The following ZNF765 variants were observed in gnomAD, a reference collection of about 807,000 sequenced individuals.
ZNF765 encodes zinc finger protein 765.
Under a neutral mutation model 44.7 loss-of-function variants are expected in ZNF765, and 37 were observed. The ratio of observed to expected loss-of-function variants is 0.83; its 90% CI spans 0.64 to 1.09. The LOEUF (loss-of-function observed/expected upper bound fraction) is 1.09, where lower values mean the gene tolerates loss of function less well. Among genes scored for constraint, ZNF765 ranks in the 50% least tolerant of loss-of-function variants. The pLI is 0.00. For missense variants in ZNF765, 594 were observed against 626.1 expected, an observed-to-expected ratio of 0.95 and a Z score of 0.55; for synonymous variants, 201 against 213.7, an observed-to-expected ratio of 0.94 and a Z score of 0.52.
At chr19:53,398,858 T>C (rs1178336034) in intron 2 of ZNF765, among the ~76,000 whole-genome samples, 1 of 152,138 alleles carries the variant, frequency 6.6e-6, no homozygotes, top group Admixed American at 6.5e-5. Context: ...CAAGTGATTC[T>C]CCTGCCTCAG....
At chr19:53,416,286 G>A (rs10426463), downstream of ZNF765, among the ~76,000 whole-genome samples, 123,065 of 151,774 alleles carry the variant, frequency 0.81, 50,372 homozygotes, top group Non-Finnish European at 0.87. Context: ...GGTGCCTTTA[G>A]TCCCACCTAC....
Position 53,410,627 on chromosome 19 carries a change from C to A in ZNF765, c.*1500C>A. The A allele has an allele frequency of 2.1e-6, 1 of 481,462 alleles. No individual in the cohort carries two copies. The highest frequency in any genetic ancestry group is 2.3e-5 in the Admixed American group (1 of 43,286). 29.8% of individuals were successfully genotyped at this position (481,462 alleles called of 1,614,324 possible). A position where few individuals can be genotyped will look rare whatever the true frequency, so the allele number is the denominator to read the frequency against. ...TGTCACAAAGTCTTCAGTTACACTA[C>A]AACCATTGCGAATCATTGGAGAATC... On this transcript the variant is annotated 3_prime_UTR_variant, in exon 4 of 4. Transcript: ENST00000396408.
exon 4 of ZNF765, chr19:53,424,303 A>G (rs1195151606): frequency 6.9e-6 from 1 of 144,774 alleles, no homozygotes. Flanking sequence ...AAAAAAAAAA[A>G]GAAAAGAAAA....
At position 53,400,763 on chromosome 19, in the gene ZNF765, C is replaced by CATATAT. The variant is rs35520888; in HGVS notation, c.16-1286_16-1281dup. On this transcript the variant is annotated intron_variant, in intron 2 of 3. Transcript: ENST00000396408. The stretch of plus-strand genomic sequence containing the variant: ...CTGTGTAGGTTTCATTATTTGTTGA[C>CATATAT]ATATATATATATATATATATACACA... 2.6e-3 allele frequency among the ~76,000 whole-genome samples: 298 copies of CATATAT among 116,822 alleles called. 5 individuals carry two copies. The highest frequency in any genetic ancestry group is 8.3e-3 in the African/African-American group (252 of 30,312). The allele number at this position is 116,822 out of a possible 152,430, so 76.6% of individuals were successfully genotyped here.
At chr19:53,414,489 AC>A (rs1160212994), downstream of ZNF765, among the ~76,000 whole-genome samples, 66 of 5,098 alleles carry the variant, frequency 0.013, 2 homozygotes, top group South Asian at 0.045. Context: ...ACACACACAC[AC>A]CCCCCCCCCC....
At chr19:53,398,759 T>C in intron 2 of ZNF765, among the ~76,000 whole-genome samples, 1 of 152,156 alleles carries the variant, frequency 6.6e-6, no homozygotes, top group Middle Eastern at 3.2e-3. Flanking sequence ...AATATTATTA[T>C]ATTTCACATA....
rs778407211 is a variant in ZNF765 at position 53,408,279 on chromosome 19, CAA to C, written c.725_726del (p.Gln242LeufsTer2). 3 of 1,614,138 alleles carry C rather than the reference CAA, an allele frequency of 1.9e-6. No individual in the cohort carries two copies. Among genetic ancestry groups the C allele is most frequent in the East Asian group, 2.2e-5 (1 of 44,882 alleles). On this transcript the variant is annotated frameshift_variant, in exon 4 of 4. Coordinates refer to ENST00000396408, the MANE Select transcript of ZNF765 (RefSeq NM_001040185.3). LOFTEE classifies it high-confidence loss of function. ...TCAGTTAATCCATTTAGGAGAGAAA[CAA>C]TATAAATGCGATATATGTGGCAAGG... ...KHQLIHLGEK[Q>X]YKCDICGKVF...
chr19:53,404,668 G>C (rs2085758493), intron 3 of ZNF765, among the ~76,000 whole-genome samples: 1 of 151,904 alleles, frequency 6.6e-6, no homozygotes, highest in African/African-American at 2.4e-5. Context: ...CACCCTGTTA[G>C]CCAGTATGTT....
intron 3 of ZNF765, among the ~76,000 whole-genome samples, chr19:53,420,205 G>C (rs1568788839): frequency 6.6e-6 from 1 of 151,892 alleles, no homozygotes; most frequent in East Asian, 2.0e-4. Context: ...GGTGGCGCAT[G>C]CCTGTAATCC....
intron 3 of ZNF765, among the ~76,000 whole-genome samples, chr19:53,404,769 GT>G (rs1177003126): frequency 3.3e-5 from 5 of 152,092 alleles, no homozygotes; most frequent in Admixed American, 6.5e-5. Context: ...CAGCCTCAAA[GT>G]TTTTAAAACA....
In ZNF765 at chr19:53,407,946, G is replaced by T. The variant is rs1459114959; in HGVS notation, c.391G>T (p.Ala131Ser). The T allele has an allele frequency of 3.7e-6, 6 of 1,614,032 alleles. No individual in the cohort carries two copies. The highest frequency in any genetic ancestry group is 1.7e-5 in the Admixed American group (1 of 60,000). Residue 131 changes from alanine (A) to serine (S), a missense_variant, in exon 4 of 4, where the codon GCT (alanine) becomes TCT (serine). Around this residue, in one of 2 missense-constraint regions of ZNF765, gnomAD observed 567 missense variants for 572.6 expected, o/e 0.99. Transcript: ENST00000396408. ...TACAGAGCGATATGATCAAAATTAT[G>T]CTGGAAACAAGCCTGTTAAATATCA... ...GSTERYDQNY[A>S]GNKPVKYQLG...
chr19:53,417,708 G>A (rs2085883574), intron 3 of ZNF765, among the ~76,000 whole-genome samples: 1 of 152,068 alleles, frequency 6.6e-6, no homozygotes, highest in Admixed American at 6.6e-5. Context: ...AAGCAGAGTG[G>A]GAATTCAAAA....
rs537166943 is a variant in ZNF765 at position 53,411,744 on chromosome 19, A to T, written c.*2617A>T. 1 of 152,426 alleles carries T rather than the reference A, an allele frequency of 6.6e-6. No homozygotes were observed. The highest frequency in any genetic ancestry group is 1.9e-4 in the East Asian group (1 of 5,192). 9.4% of individuals were successfully genotyped at this position (152,426 alleles called of 1,614,324 possible). On this transcript the variant is annotated 3_prime_UTR_variant, in exon 4 of 4. Coordinates refer to ENST00000396408, the MANE Select transcript of ZNF765 (RefSeq NM_001040185.3). ...ATCAATGTTTGTAGATTTCAAGGTAAAAACCTCTGACCTTTTTACGTTTAT... is the reference window on the plus strand; with the variant it reads ...ATCAATGTTTGTAGATTTCAAGGTATAAACCTCTGACCTTTTTACGTTTAT...
downstream of ZNF765, chr19:53,413,285 T>C: frequency 1.7e-6 from 1 of 588,640 alleles, no homozygotes; most frequent in Non-Finnish European, 3.3e-6. Context: ...TCAAAACTGG[T>C]AATAAAATCA....
rs1053300624 is a variant in ZNF765, at chr19:53,407,614, TG to T, written c.143-83del. On this transcript the variant is annotated intron_variant, in intron 3 of 3. Transcript: ENST00000396408. ...TGTTTGCAAAGTTTAAAATAAGTAT[TG>T]TTTTTTGTGTCATATTTACACATTT... 28 of 1,054,078 alleles carry T rather than the reference TG, an allele frequency of 2.7e-5. No homozygotes were observed. The African/African-American group carries it at 3.7e-4, about 14-fold the overall frequency. The allele number at this position is 1,054,078 out of a possible 1,614,324, so 65.3% of individuals were successfully genotyped here.
rs1016109256 is a variant in ZNF765, at chr19:53,410,657, A to T, written c.*1530A>T. ...ATTGCGAATCATTGGAGAATCCATA[A>T]TGAAGAGAGATCATACTAGTTTAAT... On this transcript the variant is annotated 3_prime_UTR_variant, in exon 4 of 4. Coordinates refer to ENST00000396408, the MANE Select transcript of ZNF765 (RefSeq NM_001040185.3). The T allele has an allele frequency of 6.2e-6, 3 of 480,852 alleles. No individual in the cohort carries two copies. Among genetic ancestry groups the T allele is most frequent in the African/African-American group, 6.0e-5 (3 of 50,180 alleles). The allele number at this position is 480,852 out of a possible 1,614,324, so 29.8% of individuals were successfully genotyped here.
chr19:53,414,256 A>AAAAAAAC (rs1265300820), downstream of ZNF765, among the ~76,000 whole-genome samples: 17 of 145,128 alleles, frequency 1.2e-4, 3 homozygotes, highest in African/African-American at 3.8e-4. Flanking sequence ...AAAAAAAAAG[A>AAAAAAAC]AACTTGCAGC....
At chr19:53,416,345 G>A (rs1013396037), downstream of ZNF765, among the ~76,000 whole-genome samples, 5 of 152,290 alleles carry the variant, frequency 3.3e-5, no homozygotes, top group East Asian at 5.8e-4. Flanking sequence ...GGCAGAGGAT[G>A]CAGTGAGCCG....
At chr19:53,419,415 C>T (rs2085894218) in intron 3 of ZNF765, among the ~76,000 whole-genome samples, 1 of 152,138 alleles carries the variant, frequency 6.6e-6, no homozygotes, top group African/African-American at 2.4e-5. Context: ...GTCATTGTTT[C>T]TCTATTGAAA....
Sources: gnomAD v4.1 joint callset for allele counts (sites outside exome capture counted in the v4.1 genomes callset) on GRCh38, gnomAD v4.1.1 for gene constraint, gnomAD v4.1.1 regional missense constraint, MANE v1.5 for transcripts, NCBI Gene and HGNC (gene_info 2026-07-23, HGNC 2026-07-21) for gene names.